MYOM1: variants seen among roughly 807,000 people sequenced by gnomAD.
MYOM1 encodes myomesin 1.
In MYOM1, 164 loss-of-function variants were observed where a neutral mutation model predicts 205.3. The ratio of observed to expected loss-of-function variants is 0.80; its 90% CI spans 0.70 to 0.91. MYOM1 has a LOEUF of 0.91. Ranked by LOEUF, MYOM1 falls within the 40% of genes least tolerant of loss-of-function variation. MYOM1 has a pLI of 0.00. For missense variants in MYOM1, 2,011 were observed against 2,127.3 expected (o/e 0.95, Z 1.08); for synonymous variants, 772 against 789.4 (o/e 0.98, Z 0.37).
chr18:3,240,935 C>T, the MYOM1 span, among the ~76,000 whole-genome samples: 2 of 152,136 alleles, frequency 1.3e-5, no homozygotes, highest in African/African-American at 2.4e-5. Context: ...GGTGACATTT[C>T]GCCCCTGCCA....
chr18:3,208,727 A>T (rs2081156450), intron 2 of MYOM1, among the ~76,000 whole-genome samples: 1 of 152,076 alleles, frequency 6.6e-6, no homozygotes, highest in Non-Finnish European at 1.5e-5. Flanking sequence ...TTTCTTATAT[A>T]TAATAATTAA....
intron 19 of MYOM1, among the ~76,000 whole-genome samples, chr18:3,124,581 G>T (rs1270843039): frequency 6.6e-6 from 1 of 151,592 alleles, no homozygotes; most frequent in East Asian, 1.9e-4. Context: ...CACCTGCCTC[G>T]GCCTCCCAAA....
rs1166475389 is a variant in MYOM1 at position 3,215,148 on chromosome 18, C to T, written c.76G>A (p.Val26Met). ...SYRNKDVRST[V>M]SHYQREKKRS... ...TTCTTCTCCCGCTGGTAGTGACTCA[C>T]GGTGCTGCGCACGTCCTTGTTGCGG... The change falls in exon 2 of 38, where the codon GTG becomes ATG. Residue 26 changes from valine (V) to methionine (M), a missense_variant. By Grantham distance (21) the Val-to-Met change is conservative. Transcript: ENST00000356443. 1 of 1,613,758 alleles carries T rather than the reference C, an allele frequency of 6.2e-7. No homozygotes were observed. Among genetic ancestry groups the T allele is most frequent in the South Asian group, 1.1e-5 (1 of 91,002 alleles).
chr18:3,154,960 AT>A lies in MYOM1; in HGVS notation c.1629del (p.Tyr544IlefsTer21). On this transcript the variant is annotated frameshift_variant, in exon 11 of 38. Coordinates refer to ENST00000356443, the MANE Select transcript of MYOM1 (RefSeq NM_003803.4). LOFTEE classifies it high-confidence loss of function. ...PAVDGGSPIL[G>X]YFIDKCEVGT... ...CTAAGCACTAACTTATCAATAAAAT[AT>A]CCGAGAATAGGACTCCCTCCATCGA... The A allele has an allele frequency of 6.2e-7, 1 of 1,611,622 alleles. No individual in the cohort carries two copies. The highest frequency in any genetic ancestry group is 8.5e-7 in the Non-Finnish European group (1 of 1,178,788).
chr18:3,083,008 C>T lies in MYOM1; in HGVS notation c.4484+781G>A, dbSNP rs181590369. Among the ~76,000 whole-genome samples, 6 of 152,240 alleles carry T rather than the reference C, an allele frequency of 3.9e-5. No homozygotes were observed. The East Asian group carries it at 7.7e-4, about 20-fold the overall frequency. ...TCATATCATGGGAAATTTGGTGCCT[C>T]CTGGTGCACACTGCTTCATTTCTGT... On this transcript the variant is annotated intron_variant, in intron 33 of 37. Coordinates refer to ENST00000356443, the MANE Select transcript of MYOM1 (RefSeq NM_003803.4).
intron 14 of MYOM1, among the ~76,000 whole-genome samples, chr18:3,137,086 G>A (rs2079979742): frequency 6.6e-6 from 1 of 151,994 alleles, no homozygotes; most frequent in African/African-American, 2.4e-5. Flanking sequence ...GAGTAGCTGG[G>A]ACTACAGGCG....
chr18:3,115,210 A>T (rs1235257615), intron 21 of MYOM1, among the ~76,000 whole-genome samples: 1 of 152,086 alleles, frequency 6.6e-6, no homozygotes, highest in African/African-American at 2.4e-5. Flanking sequence ...TCCTTCCTTG[A>T]ACTTTTCTCT....
At chr18:3,149,222 G>C (rs17183861) in intron 12 of MYOM1, 21 bp from the exon 13 acceptor site, 4 of 1,604,752 alleles carry the variant, frequency 2.5e-6, no homozygotes, top group Non-Finnish European at 3.4e-6. Context: ...ACAAATATAA[G>C]AATCACAAAC....
Position 3,070,126 on chromosome 18 carries a change from T to C in MYOM1, c.4764+1708A>G, listed in dbSNP as rs115433983. 1.4e-3 allele frequency among the ~76,000 whole-genome samples: 211 copies of C among 152,316 alleles called. 2 individuals are homozygous for C. The highest frequency in any genetic ancestry group is 4.6e-3 in the African/African-American group (193 of 41,564). Reference sequence around the variant, plus strand: ...AATATCTCTACCCCTAGGACTGGTATGTTAAACTTGTTTTAATTTATTTTC... The same window carrying C: ...AATATCTCTACCCCTAGGACTGGTACGTTAAACTTGTTTTAATTTATTTTC... On this transcript the variant is annotated intron_variant, in intron 37 of 37. Transcript: ENST00000356443.
At chr18:3,177,890 CAAGT>C (rs1226349028) in intron 5 of MYOM1, among the ~76,000 whole-genome samples, 1 of 152,172 alleles carries the variant, frequency 6.6e-6, no homozygotes, top group African/African-American at 2.4e-5. Flanking sequence ...AAACTTCTGA[CAAGT>C]AAGAGCTGAA....
Position 3,168,963 on chromosome 18 carries a change from C to A in MYOM1, c.1193G>T (p.Gly398Val), listed in dbSNP as rs772478822. Residue 398 changes from glycine (G) to valine (V), a missense_variant, in exon 9 of 38, where the codon GGT becomes GTT. Gly to Val is a moderately radical substitution (Grantham distance 109). Transcript: ENST00000356443. ...GTGGATCTCAAACCGGGATGCATAACCATATGGGGTCACACCAACTGGGTA... is the reference window on the plus strand; with the variant it reads ...GTGGATCTCAAACCGGGATGCATAAACATATGGGGTCACACCAACTGGGTA... ...MPLSFGVTPY[G>V]YASRFEIHFD... The A allele has an allele frequency of 6.2e-7, 1 of 1,612,694 alleles. No individual in the cohort carries two copies.
chr18:3,153,213 C>T (rs552263363), intron 11 of MYOM1, among the ~76,000 whole-genome samples: 5 of 152,296 alleles, frequency 3.3e-5, no homozygotes, highest in South Asian at 2.1e-4. Flanking sequence ...TGACACTTTC[C>T]GCAGCACGTT....
chr18:3,221,874 T>C (rs994756824), upstream of MYOM1, among the ~76,000 whole-genome samples: 6 of 152,206 alleles, frequency 3.9e-5, no homozygotes, highest in South Asian at 2.1e-4. Flanking sequence ...AAGTGTTATG[T>C]TCCCCAAGCA....
At chr18:3,108,445 T>C (rs1400445803) in intron 22 of MYOM1, among the ~76,000 whole-genome samples, 2 of 152,210 alleles carry the variant, frequency 1.3e-5, no homozygotes, top group African/African-American at 4.8e-5. Flanking sequence ...AAAAATTCTA[T>C]TGCAATTTAA....
chr18:3,150,433 G>A (rs1256729770), intron 12 of MYOM1, among the ~76,000 whole-genome samples: 1 of 148,308 alleles, frequency 6.7e-6, no homozygotes, highest in South Asian at 2.2e-4. Flanking sequence ...CATTGTGAAT[G>A]TAGCACAGAC....
intron 1 of MYOM1, among the ~76,000 whole-genome samples, chr18:3,216,570 G>A (rs2081269842): frequency 6.6e-6 from 1 of 152,180 alleles, no homozygotes; most frequent in South Asian, 2.1e-4. Flanking sequence ...ACTGAGGAAT[G>A]AACATGACTA....
chr18:3,129,481 C>G lies in MYOM1; in HGVS notation c.2545G>C (p.Asp849His). Residue 849 changes from aspartate to histidine, a missense_variant, in exon 18 of 38, where the codon GAT becomes CAT. Coordinates refer to ENST00000356443, the MANE Select transcript of MYOM1 (RefSeq NM_003803.4). ...GAGGCGGTTAGTCCACCAGGCTCAT[C>G]GCTCAGTGCGGGACACACATCTGGA... ...VSPDVCPALS[D>H]EPGGLTASRG... The G allele has an allele frequency of 6.2e-7, 1 of 1,613,866 alleles. No homozygotes were observed.
intron 8 of MYOM1, 107 bp downstream of exon 8, chr18:3,173,831 A>G: frequency 1.0e-6 from 1 of 1,003,682 alleles, no homozygotes; most frequent in South Asian, 1.4e-5. Flanking sequence ...CCAACCTAGC[A>G]TATACTATGT....
intron 10 of MYOM1, among the ~76,000 whole-genome samples, chr18:3,157,707 T>C (rs1287198973): frequency 6.8e-6 from 1 of 147,268 alleles, no homozygotes; most frequent in Admixed American, 6.8e-5. Flanking sequence ...ATAATAATAA[T>C]AATAATAATA....
Sources: allele counts gnomAD v4.1 joint callset (sites outside exome capture counted in the v4.1 genomes callset), GRCh38; gene constraint gnomAD v4.1.1; transcripts MANE v1.5; gene names NCBI Gene and HGNC (gene_info 2026-07-23, HGNC 2026-07-21).